BRINP2: variants seen among roughly 807,000 people sequenced by gnomAD.
BRINP2 encodes the protein BMP/retinoic acid inducible neural specific 2, also known as BMP/retinoic acid-inducible neural-specific protein 2.
BRINP2 carries 21 observed loss-of-function variants against 69.2 expected under a neutral mutation model. The ratio of observed to expected loss-of-function variants is 0.30; its 90% CI spans 0.22 to 0.44. The LOEUF is 0.44. BRINP2 is among the 20% of genes least tolerant of loss of function. The pLI is 1.00. For synonymous variants in BRINP2, 380 were observed against 394.1 expected, an observed-to-expected ratio of 0.96 and a Z score of 0.42; for missense variants, 877 against 986.0, an observed-to-expected ratio of 0.89 and a Z score of 1.48.
At chr1:177,267,870 A>G (rs1050790113) in intron 4 of BRINP2, among the ~76,000 whole-genome samples, 1 of 152,222 alleles carries the variant, frequency 6.6e-6, no homozygotes, top group Non-Finnish European at 1.5e-5. Flanking sequence ...CTTGGAAACC[A>G]CTTTTTGAAG....
intron 2 of BRINP2, among the ~76,000 whole-genome samples, chr1:177,234,500 G>GT (rs566257852): frequency 1.1e-4 from 16 of 151,498 alleles, no homozygotes; most frequent in South Asian, 4.2e-4. Context: ...TGAGCAGTCT[G>GT]TTTTTTTTTA....
intron 1 of BRINP2, among the ~76,000 whole-genome samples, chr1:177,216,230 G>A (rs112855735): frequency 0.011 from 1,636 of 151,994 alleles, 14 homozygotes; most frequent in African/African-American, 0.017. Flanking sequence ...ATGGTTTTCC[G>A]TAGGGTATGT....
At chr1:177,260,456 T>G (rs1650907282) in intron 4 of BRINP2, among the ~76,000 whole-genome samples, 1 of 152,336 alleles carries the variant, frequency 6.6e-6, no homozygotes, top group East Asian at 1.9e-4. Flanking sequence ...ATTCAGAGGA[T>G]TGACTCCAAT....
At chr1:177,279,491 T>C (rs1195909086) in intron 7 of BRINP2, among the ~76,000 whole-genome samples, 1 of 152,136 alleles carries the variant, frequency 6.6e-6, no homozygotes, top group Non-Finnish European at 1.5e-5. Context: ...TTGGCCACAT[T>C]TTGTGGGAAG....
intron 2 of BRINP2, among the ~76,000 whole-genome samples, chr1:177,239,456 C>A (rs1462806417): frequency 5.3e-5 from 8 of 152,234 alleles, no homozygotes; most frequent in Non-Finnish European, 1.0e-4. Flanking sequence ...CAGTATCTTA[C>A]TTCTTGCCTG....
intron 5 of BRINP2, among the ~76,000 whole-genome samples, chr1:177,275,639 A>ACCTGGGCAG (rs1281213242): frequency 6.6e-6 from 1 of 152,196 alleles, no homozygotes; most frequent in African/African-American, 2.4e-5. Flanking sequence ...TGGGCACTGT[A>ACCTGGGCAG]TCCCCACAAT....
intron 2 of BRINP2, among the ~76,000 whole-genome samples, chr1:177,236,349 G>A (rs1558170761): frequency 6.6e-6 from 1 of 152,136 alleles, no homozygotes; most frequent in Non-Finnish European, 1.5e-5. Flanking sequence ...CCACATCAGT[G>A]CAGCAGACCT....
At chr1:177,256,665 T>C (rs2102347011) in intron 3 of BRINP2, 2 of 1,040,066 alleles carry the variant, frequency 1.9e-6, no homozygotes, top group Non-Finnish European at 2.3e-6. Context: ...CCCTCTGCCC[T>C]GGGAAGAAGG....
At chr1:177,262,511 G>GAA (rs55853632) in intron 4 of BRINP2, among the ~76,000 whole-genome samples, 142 of 140,928 alleles carry the variant, frequency 1.0e-3, no homozygotes, top group Admixed American at 2.5e-3. Context: ...CCTCTGTCTG[G>GAA]AAAAAAAAAA....
chr1:177,201,985 C>T (rs1399363184), intron 1 of BRINP2, among the ~76,000 whole-genome samples: 10 of 152,150 alleles, frequency 6.6e-5, no homozygotes, highest in South Asian at 2.1e-4. Flanking sequence ...AGTTTATTTG[C>T]GTAGAGGTGC....
chr1:177,250,310 G>A (rs192670964), intron 2 of BRINP2, among the ~76,000 whole-genome samples: 2 of 137,308 alleles, frequency 1.5e-5, no homozygotes, highest in Non-Finnish European at 3.2e-5. Flanking sequence ...AGCCACTTGT[G>A]TGCATTCTTT....
intron 1 of BRINP2, among the ~76,000 whole-genome samples, chr1:177,217,671 A>G (rs185619105): frequency 1.3e-4 from 20 of 152,276 alleles, no homozygotes; most frequent in African/African-American, 4.3e-4. Flanking sequence ...TCACTAGTTA[A>G]TCTACCCCTA....
chr1:177,254,133 A>AAGC lies in BRINP2; in HGVS notation c.270-1784_270-1782dup, dbSNP rs575682201. ...AATGCAAACATTCCAGTGAGGAGCA[A>AAGC]AGCATGAAAATTAAAATCTTCAACA... is the stretch of plus-strand genomic sequence containing the variant. On this transcript the variant is annotated intron_variant, in intron 2 of 7. Coordinates refer to ENST00000361539, the MANE Select transcript of BRINP2 (RefSeq NM_021165.4). Among the ~76,000 whole-genome samples, 572 of 152,302 alleles carry AAGC rather than the reference A, an allele frequency of 3.8e-3. 1 individual carries two copies. The highest frequency in any genetic ancestry group is 5.8e-3 in the Non-Finnish European group (392 of 67,994).
At chr1:177,181,831 C>G (rs1278691311) in intron 1 of BRINP2, among the ~76,000 whole-genome samples, 1 of 152,176 alleles carries the variant, frequency 6.6e-6, no homozygotes, top group Middle Eastern at 3.2e-3. Flanking sequence ...CAGCCTCCTC[C>G]GGAAGCCTCG....
intron 1 of BRINP2, among the ~76,000 whole-genome samples, chr1:177,213,399 TG>T (rs1230611545): frequency 2.6e-5 from 4 of 152,130 alleles, no homozygotes; most frequent in African/African-American, 9.7e-5. Flanking sequence ...AAAGGTCTCC[TG>T]GGGGCAAAAT....
At position 177,276,250 on chromosome 1, in the gene BRINP2, A is replaced by C. The variant is rs773698576; in HGVS notation, c.828A>C (p.Ala276=). ...TGCGTGAGCGCTTTGTAGCTGCAGC[A>C]CTCAGCTACATCACATGCAGCTCTG... ...EYLRERFVAA[A]LSYITCSSEG... is the part of the protein sequence containing the mutation. The change falls in exon 6 of 8, where the codon GCA becomes GCC. Residue 276 remains alanine (A), a synonymous_variant. Coordinates refer to ENST00000361539, the MANE Select transcript of BRINP2 (RefSeq NM_021165.4). 2 of 1,614,128 alleles carry C rather than the reference A, an allele frequency of 1.2e-6. No homozygotes were observed. The highest frequency in any genetic ancestry group is 3.3e-5 in the Admixed American group (2 of 60,028).
chr1:177,233,496 A>G (rs184681417), intron 2 of BRINP2, among the ~76,000 whole-genome samples: 50 of 152,364 alleles, frequency 3.3e-4, no homozygotes, highest in African/African-American at 1.1e-3. Context: ...TAGCCTATGC[A>G]GGAAGGATAA....
At chr1:177,236,516 G>T (rs1650032734) in intron 2 of BRINP2, among the ~76,000 whole-genome samples, 1 of 152,152 alleles carries the variant, frequency 6.6e-6, no homozygotes, top group Non-Finnish European at 1.5e-5. Context: ...GGGCCAGCTT[G>T]GTGCTTATTA....
chr1:177,180,377 C>T (rs1648209746), intron 1 of BRINP2, among the ~76,000 whole-genome samples: 1 of 152,154 alleles, frequency 6.6e-6, no homozygotes, highest in African/African-American at 2.4e-5. Flanking sequence ...ACTGTGTGAC[C>T]TCTGCTATGT....
Sources: gnomAD v4.1 joint callset for allele counts (sites outside exome capture counted in the v4.1 genomes callset) on GRCh38, gnomAD v4.1.1 for gene constraint, MANE v1.5 for transcripts, NCBI Gene and HGNC (gene_info 2026-07-23, HGNC 2026-07-21) for gene names.